Variants in TRIP12 observed in about 807,000 individuals in gnomAD.
The protein encoded by TRIP12 is E3 ubiquitin-protein ligase TRIP12.
TRIP12 carries 25 observed loss-of-function variants against 244.2 expected under a neutral mutation model. The observed-to-expected ratio is 0.10, with a 90% CI of 0.07 to 0.14. TRIP12 has a LOEUF of 0.14. TRIP12 is among the 10% of genes least tolerant of loss of function. TRIP12 has a pLI of 1.00. For missense variants in TRIP12, 1,677 were observed against 2,486.4 expected, an observed-to-expected ratio of 0.67 and a Z score of 6.92; for synonymous variants, 905 against 873.1, an observed-to-expected ratio of 1.04 and a Z score of -0.64.
At chr2:229,919,766 G>C (rs2076152955) in intron 1 of TRIP12, among the ~76,000 whole-genome samples, 1 of 152,114 alleles carries the variant, frequency 6.6e-6, no homozygotes, top group Admixed American at 6.5e-5. Context: ...AATTCTTATG[G>C]ATATTGGCAC....
At chr2:229,860,886 A>G (rs566404919) in intron 2 of TRIP12, among the ~76,000 whole-genome samples, 12 of 152,222 alleles carry the variant, frequency 7.9e-5, no homozygotes, top group Non-Finnish European at 1.2e-4. Context: ...CTTTAGATCT[A>G]AACACACTTT....
intron 4 of TRIP12, among the ~76,000 whole-genome samples, chr2:229,849,328 T>C (rs1319720235): frequency 2.6e-5 from 4 of 152,176 alleles, no homozygotes; most frequent in Non-Finnish European, 5.9e-5. Context: ...TGCGTGCTGA[T>C]CATCACTGGG....
chr2:229,798,705 T>C (rs2043430197), intron 23 of TRIP12, among the ~76,000 whole-genome samples, 170 bp downstream of exon 23: 1 of 152,252 alleles, frequency 6.6e-6, no homozygotes, highest in South Asian at 2.1e-4. Context: ...CAAAGCCAGA[T>C]GCAGGGTTCA....
upstream of TRIP12, chr2:229,922,379 G>A (rs2076740253): frequency 6.1e-6 from 5 of 813,502 alleles, no homozygotes; most frequent in Admixed American, 1.2e-4. Flanking sequence ...TGGAAGAGGG[G>A]ACGATCGCCC....
intron 1 of TRIP12, among the ~76,000 whole-genome samples, chr2:229,918,054 A>T (rs980979682): frequency 2.0e-5 from 3 of 152,220 alleles, no homozygotes; most frequent in Non-Finnish European, 4.4e-5. Context: ...CCAATCAGGG[A>T]AACAAAAGCA....
chr2:229,922,719 C>G (rs762571859), upstream of TRIP12: 108 of 1,115,294 alleles, frequency 9.7e-5, no homozygotes, highest in Admixed American at 2.3e-4. Flanking sequence ...GCCGGAAGCG[C>G]CCAGTCCCGG....
intron 15 of TRIP12, among the ~76,000 whole-genome samples, chr2:229,809,231 AT>A (rs375402675): frequency 4.0e-5 from 6 of 150,852 alleles, no homozygotes; most frequent in African/African-American, 7.3e-5. Context: ...AGTGATTAAG[AT>A]TTTTTTTTTA....
intron 4 of TRIP12, among the ~76,000 whole-genome samples, chr2:229,858,476 T>A (rs904759599): frequency 3.9e-5 from 6 of 152,172 alleles, no homozygotes; most frequent in African/African-American, 1.4e-4. Context: ...TTATGTCCCA[T>A]CCTGATATTA....
In TRIP12 at chr2:229,864,031, AGAGAGAGAGAGAGAGAGTGT is replaced by A. The variant is rs1217663240; in HGVS notation, c.99-3520_99-3501del. On this transcript the variant is annotated intron_variant, in intron 2 of 41. Transcript: ENST00000675903. ...GAGAGAGAGAGAGAGAGAGAGAGAG[AGAGAGAGAGAGAGAGAGTGT>A]GTGTGTGTGTGTGTGTGTGTGTGTG... Among the ~76,000 whole-genome samples, 376 of 140,908 alleles carry A rather than the reference AGAGAGAGAGAGAGAGAGTGT, an allele frequency of 2.7e-3. 4 individuals carry two copies. The highest frequency in any genetic ancestry group is 4.1e-3 in the Non-Finnish European group (266 of 64,472). The allele number at this position is 140,908 out of a possible 152,430, so 92.4% of individuals were successfully genotyped here.
At chr2:229,911,627 G>C (rs901681996) in intron 1 of TRIP12, among the ~76,000 whole-genome samples, 2 of 152,080 alleles carry the variant, frequency 1.3e-5, no homozygotes, top group African/African-American at 2.4e-5. Context: ...TGTGATGATG[G>C]TATGCTAATT....
intron 5 of TRIP12, among the ~76,000 whole-genome samples, chr2:229,838,556 G>A (rs551233551): frequency 2.0e-5 from 3 of 152,246 alleles, no homozygotes; most frequent in African/African-American, 7.2e-5. Context: ...AAGGAGAGAC[G>A]GTTGCAGAGA....
chr2:229,864,476 A>G (rs1251841863), intron 2 of TRIP12, among the ~76,000 whole-genome samples: 3 of 152,132 alleles, frequency 2.0e-5, no homozygotes, highest in Non-Finnish European at 2.9e-5. Context: ...GAACTTGTTG[A>G]GACTGCTTTT....
At chr2:229,794,835 A>C (rs552541752) in intron 26 of TRIP12, 1 of 161,608 alleles carries the variant, frequency 6.2e-6, no homozygotes, top group Admixed American at 6.4e-5. Context: ...AACATTACTC[A>C]CAGCCACAAA....
intron 26 of TRIP12, among the ~76,000 whole-genome samples, chr2:229,793,615 A>C (rs2042095282): frequency 6.6e-6 from 1 of 152,214 alleles, no homozygotes; most frequent in South Asian, 2.1e-4. Context: ...ACCTTGCTAT[A>C]ATAGTTTTGA....
rs562034253 is a variant in TRIP12 at position 229,772,751 on chromosome 2, C to T, written c.5695-1119G>A. 1.6e-4 allele frequency among the ~76,000 whole-genome samples: 24 copies of T among 152,198 alleles called. No individual in the cohort carries two copies. In the South Asian group the frequency reaches 4.2e-3, roughly 26 times the overall value. ...TGTTGGGATTACAAGTGTGAGCCAC[C>T]ACGCCTAGCCAGTTATTATTTAACC... On this transcript the variant is annotated intron_variant, in intron 38 of 41. Transcript: ENST00000675903.
chr2:229,821,411 A>G (rs1302879389), intron 8 of TRIP12, among the ~76,000 whole-genome samples: 2 of 152,216 alleles, frequency 1.3e-5, no homozygotes, highest in African/African-American at 2.4e-5. Flanking sequence ...AGGGTTTGGC[A>G]GGAAAACGTT....
At chr2:229,851,915 G>C (rs946569231) in intron 4 of TRIP12, among the ~76,000 whole-genome samples, 2 of 152,192 alleles carry the variant, frequency 1.3e-5, no homozygotes, top group African/African-American at 4.8e-5. Context: ...AAGTCAGTGA[G>C]ACCAAGAATC....
At chr2:229,774,908 ATTACTCACTTTT>A (rs2035746910) in intron 37 of TRIP12, among the ~76,000 whole-genome samples, 2 of 152,162 alleles carry the variant, frequency 1.3e-5, no homozygotes, top group South Asian at 4.1e-4. Context: ...AGAAGTCTTT[ATTACTCACTTTT>A]TAAAAAATGT....
chr2:229,900,451 A>AT (rs1401185055), intron 1 of TRIP12, among the ~76,000 whole-genome samples: 2 of 152,242 alleles, frequency 1.3e-5, no homozygotes, highest in African/African-American at 4.8e-5. Context: ...AGAAATCCAA[A>AT]TAACAGTTTC....
Sources: allele counts gnomAD v4.1 joint callset (sites outside exome capture counted in the v4.1 genomes callset), GRCh38; gene constraint gnomAD v4.1.1; transcripts MANE v1.5; gene names NCBI Gene and HGNC (gene_info 2026-07-23, HGNC 2026-07-21).